Variants in TYW1 observed in about 807,000 individuals in gnomAD.
The protein encoded by TYW1 is S-adenosyl-L-methionine-dependent tRNA 4-demethylwyosine synthase TYW1.
TYW1 carries 46 observed loss-of-function variants against 96.2 expected under a neutral mutation model. The observed-to-expected ratio is 0.48, with a 90% confidence interval of 0.38 to 0.61. The LOEUF is 0.61. TYW1 is among the 20% of genes least tolerant of loss of function. The pLI is 0.00. For missense variants in TYW1, 684 were observed against 909.6 expected, an observed-to-expected ratio of 0.75 and a Z score of 3.19; for synonymous variants, 274 against 323.0, an observed-to-expected ratio of 0.85 and a Z score of 1.63.
chr7:67,126,060 A>C (rs34971936), intron 13 of TYW1, among the ~76,000 whole-genome samples: 1 of 151,104 alleles, frequency 6.6e-6, no homozygotes, highest in East Asian at 1.9e-4. Flanking sequence ...TAAATTTTCA[A>C]CTCCTTGGAG....
intron 12 of TYW1, among the ~76,000 whole-genome samples, chr7:67,113,645 CTT>C (rs66807566): frequency 7.0e-6 from 1 of 143,286 alleles, no homozygotes; most frequent in Non-Finnish European, 1.5e-5. Flanking sequence ...CTTTTTCTTT[CTT>C]TTTTTTTTTG....
intron 12 of TYW1, among the ~76,000 whole-genome samples, chr7:67,102,420 C>T (rs1310784461): frequency 6.6e-6 from 1 of 152,090 alleles, no homozygotes; most frequent in East Asian, 1.9e-4. Flanking sequence ...CTTCAACAAA[C>T]AAATGAGATA....
chr7:67,131,842 A>G (rs1798084334), intron 13 of TYW1, among the ~76,000 whole-genome samples: 1 of 152,202 alleles, frequency 6.6e-6, no homozygotes, highest in Non-Finnish European at 1.5e-5. Flanking sequence ...CCAAAAGCTG[A>G]AGAACTTGGA....
At chr7:67,020,064 G>C (rs1794191732) in intron 6 of TYW1, among the ~76,000 whole-genome samples, 1 of 152,290 alleles carries the variant, frequency 6.6e-6, no homozygotes. Flanking sequence ...TTTCAATTCA[G>C]GTTATGGGTC....
At chr7:67,021,716 T>C (rs41520746) in intron 6 of TYW1, among the ~76,000 whole-genome samples, 7,229 of 152,328 alleles carry the variant, frequency 0.047, 325 homozygotes, top group East Asian at 0.16. Flanking sequence ...GTGTTCAAGA[T>C]AACTTTTGAA....
intron 3 of TYW1, among the ~76,000 whole-genome samples, chr7:67,004,730 G>T (rs1237222760): frequency 6.6e-6 from 1 of 151,878 alleles, no homozygotes; most frequent in Non-Finnish European, 1.5e-5. Flanking sequence ...GCTTAATTTG[G>T]CTGGATATGA....
intron 13 of TYW1, among the ~76,000 whole-genome samples, chr7:67,144,764 C>A (rs1373030394): frequency 6.6e-6 from 1 of 152,206 alleles, no homozygotes; most frequent in African/African-American, 2.4e-5. Flanking sequence ...GCCACCGGGC[C>A]TGGCCTCCTC....
chr7:67,140,416 A>G (rs912016621), intron 13 of TYW1, among the ~76,000 whole-genome samples: 8 of 152,218 alleles, frequency 5.3e-5, no homozygotes, highest in Middle Eastern at 3.2e-3. Context: ...AAAAGAAATT[A>G]AAGTTAATAA....
intron 11 of TYW1, among the ~76,000 whole-genome samples, chr7:67,094,651 A>AGT (rs56069939): frequency 0.033 from 4,736 of 141,524 alleles, 80 homozygotes; most frequent in Middle Eastern, 0.069. Context: ...AGAGAATTAG[A>AGT]GTGTGTGTGT....
chr7:67,079,166 TGA>T (rs148946644), intron 10 of TYW1, among the ~76,000 whole-genome samples: 13 of 56,684 alleles, frequency 2.3e-4, no homozygotes, highest in South Asian at 1.6e-3. Flanking sequence ...AGTATTCGTG[TGA>T]GAGGTGTGTG....
At chr7:67,056,544 T>C (rs1213331300) in intron 9 of TYW1, among the ~76,000 whole-genome samples, 5 of 151,702 alleles carry the variant, frequency 3.3e-5, no homozygotes, top group African/African-American at 1.2e-4. Context: ...TAATGTGCAG[T>C]CTTTTGCAAC....
intron 13 of TYW1, among the ~76,000 whole-genome samples, chr7:67,120,200 G>A (rs1273092177): frequency 1.3e-5 from 2 of 152,008 alleles, no homozygotes; most frequent in Non-Finnish European, 2.9e-5. Context: ...TCATGCCTCA[G>A]CCTCCCCAGT....
intron 13 of TYW1, among the ~76,000 whole-genome samples, chr7:67,156,361 C>T (rs1798971437): frequency 6.6e-6 from 1 of 152,196 alleles, no homozygotes; most frequent in African/African-American, 2.4e-5. Flanking sequence ...CCCCAGGCTC[C>T]TGGACAGTGT....
At chr7:67,079,723 T>C (rs1796323977) in intron 10 of TYW1, among the ~76,000 whole-genome samples, 1 of 152,154 alleles carries the variant, frequency 6.6e-6, no homozygotes, top group South Asian at 2.1e-4. Context: ...TTGATATAGT[T>C]GTTTATTATT....
At position 67,115,204 on chromosome 7, in the gene TYW1, A is replaced by C. The variant is rs984329375; in HGVS notation, c.1563-2279A>C. The stretch of plus-strand genomic sequence containing the variant: ...TTTTGACAAAGTCCTGTTAGTTATC[A>C]GATGATGATAGCCAGCAGTAACCAT... On this transcript the variant is annotated intron_variant, in intron 12 of 15. Transcript: ENST00000359626. Among the ~76,000 whole-genome samples the C allele has an allele frequency of 6.6e-5, 10 of 151,208 alleles. No homozygotes were observed. The South Asian group carries it at 1.9e-3, about 29-fold the overall frequency.
intron 3 of TYW1, among the ~76,000 whole-genome samples, chr7:67,008,643 C>T (rs974462557): frequency 6.6e-5 from 10 of 152,108 alleles, no homozygotes; most frequent in African/African-American, 1.2e-4. Flanking sequence ...CCATTCTTTT[C>T]ACTCTTCACT....
chr7:67,030,312 T>C (rs996678483), intron 7 of TYW1, among the ~76,000 whole-genome samples: 4 of 152,160 alleles, frequency 2.6e-5, no homozygotes, highest in African/African-American at 9.7e-5. Flanking sequence ...TTTGAAGCTG[T>C]GTACCAAGAA....
chr7:67,048,469 G>A (rs1268782988), intron 7 of TYW1, among the ~76,000 whole-genome samples: 6 of 151,576 alleles, frequency 4.0e-5, no homozygotes, highest in African/African-American at 1.5e-4. Context: ...CACAGATCTC[G>A]TGTGTTGTCT....
At chr7:66,999,102 C>G in intron 3 of TYW1, 148 bp downstream of exon 3, 2 of 890,988 alleles carry the variant, frequency 2.2e-6, no homozygotes. Context: ...GCCTTTTCCC[C>G]TCAAATATTT....
Sources: gnomAD v4.1 joint callset for allele counts (sites outside exome capture counted in the v4.1 genomes callset) on GRCh38, gnomAD v4.1.1 for gene constraint, MANE v1.5 for transcripts, NCBI Gene and HGNC (gene_info 2026-07-23, HGNC 2026-07-21) for gene names.